Variants in FHAD1 observed in about 807,000 individuals in gnomAD.
FHAD1 encodes the protein forkhead-associated domain-containing protein 1.
A neutral mutation model predicts 191.3 loss-of-function variants in FHAD1; 146 were observed. That is an observed-to-expected ratio of 0.76 (90% CI 0.67 to 0.88). The LOEUF is 0.88. Among genes scored for constraint, FHAD1 ranks in the 40% least tolerant of loss-of-function variants. FHAD1 has a pLI of 0.00. For synonymous variants in FHAD1, 616 were observed against 672.3 expected (o/e 0.92, Z 1.29); for missense variants, 1,635 against 1,785.8 (o/e 0.92, Z 1.52).
chr1:15,397,202 AT>A, intron 33 of FHAD1, 94 bp from the exon 34 acceptor site: 1 of 581,250 alleles, frequency 1.7e-6, no homozygotes, highest in South Asian at 3.3e-5. Context: ...AAAAAAAAAA[AT>A]TAAATAAAAT....
intron 2 of FHAD1, among the ~76,000 whole-genome samples, chr1:15,264,914 T>A (rs1652771211): frequency 6.6e-6 from 1 of 152,122 alleles, no homozygotes; most frequent in African/African-American, 2.4e-5. Flanking sequence ...GTGCTTTTTC[T>A]CCATCAGTCC....
rs187118161 is a variant in FHAD1 at position 15,340,187 on chromosome 1, A to G, written c.1977+636A>G. ...TCCAGTGGACAAAGTACAGCTATCT[A>G]TAGCACAGGCAGCAGAATTACTAAA... On this transcript the variant is annotated intron_variant, in intron 15 of 33. Transcript: ENST00000688493. Among the ~76,000 whole-genome samples, 4 of 152,372 alleles carry G rather than the reference A, an allele frequency of 2.6e-5. No individual in the cohort carries two copies. In the East Asian group the frequency reaches 5.8e-4, roughly 22 times the overall value.
At chr1:15,265,220 G>C (rs1652882971) in intron 2 of FHAD1, among the ~76,000 whole-genome samples, 1 of 152,204 alleles carries the variant, frequency 6.6e-6, no homozygotes, top group South Asian at 2.1e-4. Context: ...GTAATATGGA[G>C]ATTATAGTAG....
intron 6 of FHAD1, 136 bp from the exon 7 acceptor site, chr1:15,308,477 A>G: frequency 8.1e-7 from 1 of 1,228,760 alleles, no homozygotes; most frequent in South Asian, 1.6e-5. Flanking sequence ...TCCACTGGTT[A>G]AAACTAAAAA....
upstream of FHAD1, among the ~76,000 whole-genome samples, chr1:15,243,378 A>C (rs1243694743): frequency 2.6e-5 from 4 of 152,182 alleles, no homozygotes; most frequent in African/African-American, 7.2e-5. Flanking sequence ...CCTGCGCAAC[A>C]GCTTGGCTAT....
chr1:15,380,503 A>G (rs970281566), intron 28 of FHAD1, among the ~76,000 whole-genome samples, 198 bp from the exon 29 acceptor site: 3 of 152,186 alleles, frequency 2.0e-5, no homozygotes, highest in Non-Finnish European at 4.4e-5. Context: ...GACTTCAAAG[A>G]CAGAGTCATT....
chr1:15,258,108 C>T (rs886265786), intron 2 of FHAD1, among the ~76,000 whole-genome samples: 1 of 152,180 alleles, frequency 6.6e-6, no homozygotes, highest in Non-Finnish European at 1.5e-5. Flanking sequence ...TCCCAAAGTG[C>T]TGGGCTTACA....
intron 6 of FHAD1, among the ~76,000 whole-genome samples, chr1:15,306,495 G>A (rs560046682): frequency 2.6e-5 from 4 of 152,320 alleles, no homozygotes; most frequent in Admixed American, 6.5e-5. Context: ...GGACATGTCA[G>A]AGACCTTCAC....
At chr1:15,374,454 A>G in intron 26 of FHAD1, 48 bp from the exon 27 acceptor site, 2 of 1,545,944 alleles carry the variant, frequency 1.3e-6, no homozygotes, top group East Asian at 2.5e-5. Context: ...ATGTAAGAGA[A>G]ATCTTCTAAT....
At chr1:15,315,827 A>G (rs1014243457) in intron 8 of FHAD1, among the ~76,000 whole-genome samples, 9 of 152,054 alleles carry the variant, frequency 5.9e-5, no homozygotes, top group African/African-American at 1.9e-4. Flanking sequence ...AATACTCTCA[A>G]AAACATCCCT....
intron 1 of FHAD1, among the ~76,000 whole-genome samples, chr1:15,241,934 G>T (rs893230003): frequency 6.6e-6 from 1 of 151,992 alleles, no homozygotes; most frequent in Non-Finnish European, 1.5e-5. Flanking sequence ...TATTATCTTC[G>T]ATAAAAAGTT....
At chr1:15,296,893 C>T (rs1353225559) in intron 5 of FHAD1, 100 bp downstream of exon 5, 1 of 921,500 alleles carries the variant, frequency 1.1e-6, no homozygotes, top group Non-Finnish European at 1.6e-6. Context: ...TGCCCTTATC[C>T]TGCTTCCAAG....
At chr1:15,374,696 C>A in intron 27 of FHAD1, 65 bp downstream of exon 27, 1 of 1,532,748 alleles carries the variant, frequency 6.5e-7, no homozygotes, top group African/African-American at 1.4e-5. Flanking sequence ...GGGGACTGAC[C>A]AGTTTGCCAG....
At chr1:15,303,848 CAAA>C (rs765601462) in intron 6 of FHAD1, among the ~76,000 whole-genome samples, 10 of 104,400 alleles carry the variant, frequency 9.6e-5, no homozygotes, top group South Asian at 3.1e-4. Context: ...GACTCTGTCT[CAAA>C]AAAAAAAAAA....
At position 15,354,318 on chromosome 1, in the gene FHAD1, C is replaced by T. The variant is rs544529548; in HGVS notation, c.2562+1334C>T. Among the ~76,000 whole-genome samples the T allele has an allele frequency of 1.3e-4, 20 of 152,300 alleles. 2 individuals are homozygous for T. Among genetic ancestry groups the T allele is most frequent in the Admixed American group, 1.3e-3 (20 of 15,304 alleles). ...CGCTGATGCACTTTAAACAACGCTG[C>T]TCTAGGGAGAATAGTCCAGAAGGCA... On this transcript the variant is annotated intron_variant, in intron 20 of 33. Coordinates refer to ENST00000688493, the MANE Select transcript of FHAD1 (RefSeq NM_001391957.1).
intron 4 of FHAD1, among the ~76,000 whole-genome samples, chr1:15,293,880 C>T (rs925295271): frequency 6.6e-6 from 1 of 152,194 alleles, no homozygotes; most frequent in African/African-American, 2.4e-5. Context: ...GATTTCTCCA[C>T]CTGTTTCTCC....
At chr1:15,246,891 C>T (rs142903129), upstream of FHAD1, among the ~76,000 whole-genome samples, 6 of 152,264 alleles carry the variant, frequency 3.9e-5, no homozygotes, top group African/African-American at 7.2e-5. Flanking sequence ...GCATACTAAC[C>T]TCCAAGGGTC....
intron 16 of FHAD1, 62 bp from the exon 17 acceptor site, chr1:15,345,021 G>A (rs981790969): frequency 7.6e-7 from 1 of 1,311,048 alleles, no homozygotes; most frequent in African/African-American, 1.5e-5. Flanking sequence ...TGCAGTGCCT[G>A]GCAGCGTCCA....
At chr1:15,278,114 C>T (rs996009044) in intron 3 of FHAD1, among the ~76,000 whole-genome samples, 2 of 152,120 alleles carry the variant, frequency 1.3e-5, no homozygotes, top group African/African-American at 4.8e-5. Flanking sequence ...CAAATTCAGA[C>T]CATCTCCTGT....
Sources: gnomAD v4.1 joint callset for allele counts (sites outside exome capture counted in the v4.1 genomes callset) on GRCh38, gnomAD v4.1.1 for gene constraint, MANE v1.5 for transcripts, NCBI Gene and HGNC (gene_info 2026-07-23, HGNC 2026-07-21) for gene names.